EEF1AKMT1: variants seen among roughly 807,000 people sequenced by gnomAD.
The protein encoded by EEF1AKMT1 is EEF1A lysine methyltransferase 1.
EEF1AKMT1 carries 18 observed loss-of-function variants against 21.0 expected under a neutral mutation model. That is an observed-to-expected ratio of 0.86 (90% confidence interval 0.59 to 1.27). The LOEUF (loss-of-function observed/expected upper bound fraction) is 1.27. Among genes scored for constraint, EEF1AKMT1 ranks in the 50% most tolerant of loss-of-function variants. The pLI is 0.00. For missense variants in EEF1AKMT1, 246 were observed against 258.6 expected, an observed-to-expected ratio of 0.95 and a Z score of 0.33; for synonymous variants, 109 against 94.8, an observed-to-expected ratio of 1.15 and a Z score of -0.87.
At position 20,737,957 on chromosome 13, in the gene EEF1AKMT1, C is replaced by A. The variant is rs1053741882; in HGVS notation, c.145-152G>T. 40 of 466,038 alleles carry A rather than the reference C, an allele frequency of 8.6e-5. 1 individual carries two copies. The highest frequency in any genetic ancestry group is 7.1e-4 in the African/African-American group (35 of 49,514). The allele number at this position is 466,038 out of a possible 1,614,324, so 28.9% of individuals were successfully genotyped here. On this transcript the variant is annotated intron_variant, in intron 2 of 4. Transcript: ENST00000382758. ...GGACAGATATTTTTAAAAAGTTTTT[C>A]TTTTGAAAATTAATTTTTCTTCGAA... is the stretch of plus-strand genomic sequence containing the variant.
intron 1 of EEF1AKMT1, among the ~76,000 whole-genome samples, chr13:20,765,260 G>C (rs539927330): frequency 6.6e-6 from 1 of 151,746 alleles, no homozygotes; most frequent in Non-Finnish European, 1.5e-5. Context: ...ACTCCAACTC[G>C]AAAATAAAAT....
intron 1 of EEF1AKMT1, among the ~76,000 whole-genome samples, chr13:20,773,347 C>T (rs1431059539): frequency 6.6e-6 from 1 of 152,172 alleles, no homozygotes; most frequent in African/African-American, 2.4e-5. Context: ...TCTGCACCTC[C>T]GAAGCTACTG....
chr13:20,766,520 G>T (rs1219117765), intron 1 of EEF1AKMT1, among the ~76,000 whole-genome samples: 1 of 151,916 alleles, frequency 6.6e-6, no homozygotes, highest in African/African-American at 2.4e-5. Flanking sequence ...TTAAGAGGTT[G>T]CTTAAGAATT....
chr13:20,750,599 G>A (rs187876347), intron 2 of EEF1AKMT1, among the ~76,000 whole-genome samples: 1 of 152,214 alleles, frequency 6.6e-6, no homozygotes, highest in African/African-American at 2.4e-5. Flanking sequence ...TTTATTGACG[G>A]ACAGGTTGAT....
intron 2 of EEF1AKMT1, among the ~76,000 whole-genome samples, chr13:20,753,783 T>C (rs552276900): frequency 3.9e-5 from 6 of 152,164 alleles, no homozygotes; most frequent in Non-Finnish European, 8.8e-5. Context: ...TTTTTTTCCA[T>C]CCCTTTACTT....
chr13:20,738,856 A>C (rs1344158507), intron 2 of EEF1AKMT1, among the ~76,000 whole-genome samples: 2 of 152,156 alleles, frequency 1.3e-5, no homozygotes, highest in Non-Finnish European at 2.9e-5. Context: ...GCTGAAAAAC[A>C]TATGGTTTCT....
chr13:20,765,702 C>T (rs1291876157), intron 1 of EEF1AKMT1, among the ~76,000 whole-genome samples: 2 of 151,940 alleles, frequency 1.3e-5, no homozygotes, highest in Non-Finnish European at 2.9e-5. Flanking sequence ...TGAGCCACTG[C>T]GTCTGGCCTC....
intron 3 of EEF1AKMT1, among the ~76,000 whole-genome samples, chr13:20,732,973 C>T (rs973422735): frequency 5.3e-5 from 8 of 152,146 alleles, no homozygotes; most frequent in Admixed American, 2.0e-4. Flanking sequence ...ATTAAAGTAT[C>T]TATCTCATTA....
intron 4 of EEF1AKMT1, among the ~76,000 whole-genome samples, chr13:20,731,002 C>T (rs896925598): frequency 3.9e-5 from 6 of 152,192 alleles, no homozygotes; most frequent in African/African-American, 1.4e-4. Context: ...ACCACGAACC[C>T]ACCAGGAAGA....
intron 3 of EEF1AKMT1, among the ~76,000 whole-genome samples, chr13:20,736,166 G>A (rs938657916): frequency 1.3e-5 from 2 of 152,142 alleles, no homozygotes; most frequent in African/African-American, 4.8e-5. Context: ...ATTGAATACC[G>A]GGGATTAAGA....
intron 2 of EEF1AKMT1, among the ~76,000 whole-genome samples, chr13:20,746,429 G>C (rs1024830430): frequency 6.6e-6 from 1 of 152,202 alleles, no homozygotes; most frequent in African/African-American, 2.4e-5. Flanking sequence ...GGGATTAGAG[G>C]CATGAGGCAC....
At chr13:20,767,111 C>A (rs941872026) in intron 1 of EEF1AKMT1, among the ~76,000 whole-genome samples, 2 of 151,786 alleles carry the variant, frequency 1.3e-5, no homozygotes, top group Admixed American at 1.3e-4. Flanking sequence ...TCGAGACCAT[C>A]CTGGCTAACA....
At chr13:20,735,706 ATAGAT>A (rs1323522834) in intron 3 of EEF1AKMT1, among the ~76,000 whole-genome samples, 48 of 152,376 alleles carry the variant, frequency 3.2e-4, no homozygotes, top group African/African-American at 1.1e-3. Flanking sequence ...TTTAAGGAAC[ATAGAT>A]TAGATAAATA....
chr13:20,729,309 C>T (rs1002803088), intron 4 of EEF1AKMT1, 93 bp from the exon 5 acceptor site: 2 of 1,440,522 alleles, frequency 1.4e-6, no homozygotes, highest in African/African-American at 1.4e-5. Flanking sequence ...GGCGGACCAC[C>T]GGTGGCAATT....
chr13:20,738,982 T>C (rs1420579433), intron 2 of EEF1AKMT1, among the ~76,000 whole-genome samples: 2 of 152,028 alleles, frequency 1.3e-5, no homozygotes, highest in African/African-American at 2.4e-5. Context: ...TCACGATGAG[T>C]GTGACAGTTC....
chr13:20,765,266 A>G (rs1465803160), intron 1 of EEF1AKMT1, among the ~76,000 whole-genome samples: 2 of 152,220 alleles, frequency 1.3e-5, no homozygotes, highest in South Asian at 2.1e-4. Flanking sequence ...ACTCGAAAAT[A>G]AAATAAAATA....
At chr13:20,771,326 T>C (rs1175242211) in intron 1 of EEF1AKMT1, among the ~76,000 whole-genome samples, 1 of 152,190 alleles carries the variant, frequency 6.6e-6, no homozygotes, top group African/African-American at 2.4e-5. Context: ...CAAAGAGCAA[T>C]TTAATAAAAT....
intron 2 of EEF1AKMT1, among the ~76,000 whole-genome samples, chr13:20,748,726 G>GTTTTTTTTTTTTTTTTTTTT (rs750094631): frequency 1.4e-4 from 10 of 72,608 alleles, no homozygotes; most frequent in African/African-American, 3.2e-4. Context: ...TTTTTTTTTG[G>GTTTTTTTTTTTTTTTTTTTT]TTTTTTTTTT....
chr13:20,762,099 T>C (rs1222613063), intron 1 of EEF1AKMT1, among the ~76,000 whole-genome samples: 1 of 152,170 alleles, frequency 6.6e-6, no homozygotes, highest in South Asian at 2.1e-4. Context: ...AACCTTTATT[T>C]TTCGGGGTCT....
Sources: allele counts gnomAD v4.1 joint callset (sites outside exome capture counted in the v4.1 genomes callset), GRCh38; gene constraint gnomAD v4.1.1; transcripts MANE v1.5; gene names NCBI Gene and HGNC (gene_info 2026-07-23, HGNC 2026-07-21).